DLG2: variants seen among roughly 807,000 people sequenced by gnomAD.
DLG2 encodes the protein disks large homolog 2.
DLG2 carries 45 observed loss-of-function variants against 132.5 expected under a neutral mutation model. That is an observed-to-expected ratio of 0.34 (90% CI 0.27 to 0.44). The LOEUF (loss-of-function observed/expected upper bound fraction) is 0.44, where lower values mean the gene tolerates loss of function less well. Among genes scored for constraint, DLG2 ranks in the 20% least tolerant of loss-of-function variants. The pLI, the probability that DLG2 is intolerant of heterozygous loss-of-function variation, is 1.00. For missense variants in DLG2, 1,045 were observed against 1,196.9 expected (o/e 0.87, Z 1.87); for synonymous variants, 424 against 419.6 (o/e 1.01, Z -0.13).
At chr11:85,376,097 A>C (rs964843192) in intron 3 of DLG2, among the ~76,000 whole-genome samples, 2 of 152,190 alleles carry the variant, frequency 1.3e-5, no homozygotes, top group African/African-American at 4.8e-5. Flanking sequence ...ACTATACCAG[A>C]CAGTCTACGA....
chr11:85,426,390 C>A (rs1273986662), intron 3 of DLG2, among the ~76,000 whole-genome samples: 1 of 152,198 alleles, frequency 6.6e-6, no homozygotes, highest in East Asian at 1.9e-4. Context: ...TAGGGGCAGA[C>A]TGACACCTCA....
intron 4 of DLG2, among the ~76,000 whole-genome samples, chr11:85,205,976 C>A (rs1392218436): frequency 1.3e-5 from 2 of 152,204 alleles, no homozygotes; most frequent in East Asian, 3.9e-4. Flanking sequence ...TCACCCCCAC[C>A]CTCAAATCTC....
intron 26 of DLG2, among the ~76,000 whole-genome samples, chr11:83,464,597 C>T (rs1001855253): frequency 6.6e-6 from 1 of 152,204 alleles, no homozygotes; most frequent in Admixed American, 6.5e-5. Flanking sequence ...TGAAGTCCAG[C>T]CTTTAGTACA....
chr11:84,737,065 T>TTTTG (rs1270861778), intron 6 of DLG2, among the ~76,000 whole-genome samples: 1 of 151,928 alleles, frequency 6.6e-6, no homozygotes, highest in East Asian at 1.9e-4. Context: ...AGAGTTTTTG[T>TTTTG]TTTGTTTTGT....
intron 4 of DLG2, among the ~76,000 whole-genome samples, chr11:85,284,658 T>A (rs926136803): frequency 6.6e-6 from 1 of 151,958 alleles, no homozygotes; most frequent in Admixed American, 6.6e-5. Flanking sequence ...ATTCCATAAT[T>A]CTATTTGTAA....
intron 6 of DLG2, among the ~76,000 whole-genome samples, chr11:84,631,033 C>G (rs1362909262): frequency 6.8e-6 from 1 of 147,646 alleles, no homozygotes; most frequent in Admixed American, 6.8e-5. Context: ...CACACACACA[C>G]ACACACACAC....
At chr11:85,494,536 C>A (rs2093629543) in intron 3 of DLG2, among the ~76,000 whole-genome samples, 1 of 151,394 alleles carries the variant, frequency 6.6e-6, no homozygotes, top group Non-Finnish European at 1.5e-5. Context: ...TTTGGAGTGG[C>A]TTTTTTTTAA....
Position 84,245,050 on chromosome 11 carries a change from C to T in DLG2, c.573+6188G>A, listed in dbSNP as rs2097284546. ...TTCCTTCTCAGAGAGCTCTTGTCCT[C>T]AGCTTCCTGATGCTGGTATCAATCA... On this transcript the variant is annotated intron_variant, in intron 8 of 27. Transcript: ENST00000376104. Among the ~76,000 whole-genome samples, 2 of 152,208 alleles carry T rather than the reference C, an allele frequency of 1.3e-5. 1 individual carries two copies. Among genetic ancestry groups the T allele is most frequent in the Admixed American group, 1.3e-4 (2 of 15,278 alleles).
At chr11:84,024,237 C>T (rs1262194866) in intron 11 of DLG2, among the ~76,000 whole-genome samples, 1 of 152,146 alleles carries the variant, frequency 6.6e-6, no homozygotes, top group Admixed American at 6.5e-5. Flanking sequence ...ATGCATCAAA[C>T]TCTCTGACCT....
chr11:84,461,817 G>A (rs1301854111), intron 7 of DLG2, among the ~76,000 whole-genome samples: 1 of 150,736 alleles, frequency 6.6e-6, no homozygotes, highest in Non-Finnish European at 1.5e-5. Flanking sequence ...GGTAGATAGA[G>A]CAATTAGTTC....
chr11:83,791,078 G>C, intron 17 of DLG2: 1 of 693,538 alleles, frequency 1.4e-6, no homozygotes. Context: ...CGCCATTCAG[G>C]GGTGGACTCG....
intron 4 of DLG2, among the ~76,000 whole-genome samples, chr11:85,225,380 A>G (rs1430753495): frequency 6.6e-6 from 1 of 152,062 alleles, no homozygotes; most frequent in Non-Finnish European, 1.5e-5. Context: ...CTTGGTCAAG[A>G]AAATAGAGGT....
intron 6 of DLG2, among the ~76,000 whole-genome samples, chr11:84,829,373 C>G (rs1161146117): frequency 6.6e-6 from 1 of 151,606 alleles, no homozygotes; most frequent in Non-Finnish European, 1.5e-5. Flanking sequence ...GTTTCTTTAG[C>G]CTGGATACCA....
intron 11 of DLG2, among the ~76,000 whole-genome samples, chr11:84,043,146 A>G (rs1217292864): frequency 6.6e-6 from 1 of 151,146 alleles, no homozygotes; most frequent in Non-Finnish European, 1.5e-5. Flanking sequence ...CAATTTATTA[A>G]TTAATTATAA....
At chr11:84,079,584 T>C (rs1370916714) in intron 10 of DLG2, among the ~76,000 whole-genome samples, 1 of 151,944 alleles carries the variant, frequency 6.6e-6, no homozygotes, top group Non-Finnish European at 1.5e-5. Flanking sequence ...TGTCCAGCCC[T>C]ACAACAGCTT....
intron 6 of DLG2, among the ~76,000 whole-genome samples, chr11:84,538,414 T>C (rs1368242867): frequency 6.6e-6 from 1 of 152,216 alleles, no homozygotes. Context: ...CCTTAGGTGA[T>C]TGAAGCCTCC....
chr11:83,915,075 A>T (rs1437185224), intron 15 of DLG2, among the ~76,000 whole-genome samples: 1 of 152,160 alleles, frequency 6.6e-6, no homozygotes, highest in Non-Finnish European at 1.5e-5. Context: ...GCCTGGAAAC[A>T]GGATTCTGGA....
At chr11:84,679,059 C>T (rs961890799) in intron 6 of DLG2, among the ~76,000 whole-genome samples, 2 of 151,924 alleles carry the variant, frequency 1.3e-5, no homozygotes, top group Non-Finnish European at 2.9e-5. Context: ...TGACAACCCA[C>T]AGCAATGTAT....
Position 83,601,510 on chromosome 11 carries a change from C to CTTTTTTTTTTTT in DLG2, c.1940+31689_1940+31700dup, listed in dbSNP as rs71066054. ...CAGCTGCAAAGTAATATGTGATGTTCTTTTTTTTTTTTTTTTTTTTTGACA... is the reference window on the plus strand; with the variant it reads ...CAGCTGCAAAGTAATATGTGATGTTCTTTTTTTTTTTTTTTTTTTTTTTTTTTTTTTTTGACA... On this transcript the variant is annotated intron_variant, in intron 19 of 27. Coordinates refer to ENST00000376104, the MANE Select transcript of DLG2 (RefSeq NM_001142699.3). 6.7e-4 allele frequency among the ~76,000 whole-genome samples: 63 copies of CTTTTTTTTTTTT among 94,558 alleles called. 5 individuals carry two copies. The highest frequency in any genetic ancestry group is 2.2e-3 in the East Asian group (6 of 2,736). 62.0% of individuals were successfully genotyped at this position (94,558 alleles called of 152,430 possible).
Sources: gnomAD v4.1 joint callset for allele counts (sites outside exome capture counted in the v4.1 genomes callset) on GRCh38, gnomAD v4.1.1 for gene constraint, MANE v1.5 for transcripts, NCBI Gene and HGNC (gene_info 2026-07-23, HGNC 2026-07-21) for gene names.